Variants in VAPB observed in about 807,000 individuals in gnomAD.
The protein encoded by VAPB is VAMP associated protein B and C, also known as vesicle-associated membrane protein-associated protein B/C.
A neutral mutation model predicts 25.6 loss-of-function variants in VAPB; 7 were observed. The observed-to-expected ratio is 0.27, with a 90% CI of 0.16 to 0.51. The LOEUF (loss-of-function observed/expected upper bound fraction) is 0.51, where lower values mean the gene tolerates loss of function less well. Among genes scored for constraint, VAPB ranks in the 20% least tolerant of loss-of-function variants. The pLI is 0.97. For synonymous variants in VAPB, 112 were observed against 109.2 expected, an observed-to-expected ratio of 1.03 and a Z score of -0.16; for missense variants, 266 against 301.3, an observed-to-expected ratio of 0.88 and a Z score of 0.87.
chr20:58,389,301 GA>G lies in VAPB; in HGVS notation c.-158del, dbSNP rs1170630842. ...CCCCTGCGCCTGCACCGCGTAGACC[GA>G]CCCCCCCCCAGCGCGCCCACCCGGT... On this transcript the variant is annotated 5_prime_UTR_variant, in exon 1 of 6. Transcript: ENST00000475243. 1.5e-6 allele frequency: 1 copy of G among 672,698 alleles called. No individual in the cohort carries two copies. The highest frequency in any genetic ancestry group is 2.6e-6 in the Non-Finnish European group (1 of 390,116). The allele number at this position is 672,698 out of a possible 1,614,324, so 41.7% of individuals were successfully genotyped here.
intron 5 of VAPB, among the ~76,000 whole-genome samples, chr20:58,443,194 A>G (rs2123103460): frequency 6.6e-6 from 1 of 152,276 alleles, no homozygotes; most frequent in South Asian, 2.1e-4. Context: ...ATGGTCAAAT[A>G]TCTTTATATG....
In VAPB at chr20:58,446,498, G is replaced by A. The variant is rs1265476103; in HGVS notation, c.*2263G>A. The A allele has an allele frequency of 4.4e-6, 2 of 453,974 alleles. No individual in the cohort carries two copies. The highest frequency in any genetic ancestry group is 4.0e-5 in the African/African-American group (2 of 49,992). The allele number at this position is 453,974 out of a possible 1,614,324, so 28.1% of individuals were successfully genotyped here. On this transcript the variant is annotated 3_prime_UTR_variant, in exon 6 of 6. Coordinates refer to ENST00000475243, the MANE Select transcript of VAPB (RefSeq NM_004738.5). ...AAACTTTATTCACAAAAACAGCCGGGTCATGGGATTTGGCTTGTGAGTCTG... is the reference window on the plus strand; with the variant it reads ...AAACTTTATTCACAAAAACAGCCGGATCATGGGATTTGGCTTGTGAGTCTG...
chr20:58,442,706 G>A (rs1024571230), intron 5 of VAPB, among the ~76,000 whole-genome samples: 3 of 152,300 alleles, frequency 2.0e-5, no homozygotes, highest in Non-Finnish European at 2.9e-5. Context: ...CTGCCCTTGA[G>A]GAGCTCTCTG....
intron 1 of VAPB, among the ~76,000 whole-genome samples, chr20:58,404,095 G>T (rs1441592691): frequency 2.0e-5 from 3 of 151,902 alleles, no homozygotes; most frequent in African/African-American, 7.3e-5. Context: ...TATTTTTTCT[G>T]CCTGCTTCTC....
At chr20:58,424,232 A>G (rs971206155) in intron 2 of VAPB, among the ~76,000 whole-genome samples, 3 of 152,042 alleles carry the variant, frequency 2.0e-5, no homozygotes, top group African/African-American at 7.2e-5. Flanking sequence ...TCCAGTCTTG[A>G]ATCTTGTCTT....
chr20:58,442,417 C>G (rs763040653), intron 5 of VAPB, among the ~76,000 whole-genome samples: 4 of 151,994 alleles, frequency 2.6e-5, no homozygotes, highest in Non-Finnish European at 5.9e-5. Context: ...GTAGAAATAG[C>G]TTCTATATAA....
At chr20:58,443,405 T>G (rs893282877) in intron 5 of VAPB, among the ~76,000 whole-genome samples, 2 of 149,324 alleles carry the variant, frequency 1.3e-5, no homozygotes, top group East Asian at 1.9e-4. Context: ...TAGGTTTTTT[T>G]TTTTTTTTTT....
intron 1 of VAPB, among the ~76,000 whole-genome samples, chr20:58,414,818 G>A (rs1369817831): frequency 1.3e-5 from 2 of 152,232 alleles, no homozygotes; most frequent in Non-Finnish European, 2.9e-5. Flanking sequence ...CTTCCCAGAC[G>A]GGGTGGCGGC....
chr20:58,448,472 T>TG lies in VAPB; in HGVS notation c.*4243dup, dbSNP rs1256444953. 1 of 453,970 alleles carries TG rather than the reference T, an allele frequency of 2.2e-6. No individual in the cohort carries two copies. The highest frequency in any genetic ancestry group is 2.0e-5 in the African/African-American group (1 of 49,986). 28.1% of individuals were successfully genotyped at this position (453,970 alleles called of 1,614,324 possible). A position where few individuals can be genotyped will look rare whatever the true frequency, so the allele number is the denominator to read the frequency against. On this transcript the variant is annotated 3_prime_UTR_variant, in exon 6 of 6. Coordinates refer to ENST00000475243, the MANE Select transcript of VAPB (RefSeq NM_004738.5). ...TGAACTTAATCCTTGCAACTGTGACTGGGGGGTAGATGGCTCTGTTTGCAT... is the reference window on the plus strand; with the variant it reads ...TGAACTTAATCCTTGCAACTGTGACTGGGGGGGTAGATGGCTCTGTTTGCAT...
chr20:58,413,122 GGTATT>G (rs1466909885), intron 1 of VAPB, among the ~76,000 whole-genome samples: 1 of 143,488 alleles, frequency 7.0e-6, no homozygotes, highest in African/African-American at 2.6e-5. Context: ...AGTTTTTGCT[GGTATT>G]GTATTTGCCT....
chr20:58,440,749 T>C (rs1989141616), intron 4 of VAPB, 158 bp from the exon 5 acceptor site: 2 of 653,950 alleles, frequency 3.1e-6, no homozygotes, highest in Middle Eastern at 4.4e-4. Context: ...TATTAAGATA[T>C]CAGATAAAGT....
At position 58,449,434 on chromosome 20, in the gene VAPB, T is replaced by G. The variant is rs1989380973; in HGVS notation, c.*5199T>G. On this transcript the variant is annotated 3_prime_UTR_variant, in exon 6 of 6. Transcript: ENST00000475243. The stretch of plus-strand genomic sequence containing the variant: ...TGAGAGGTTGTCTTCATGAATATAA[T>G]TACTTGAGATTTTTTTTTCTTAATG... 1 of 450,926 alleles carries G rather than the reference T, an allele frequency of 2.2e-6. No individual in the cohort carries two copies. Among genetic ancestry groups the G allele is most frequent in the African/African-American group, 2.0e-5 (1 of 49,692 alleles). The allele number at this position is 450,926 out of a possible 1,614,324, so 27.9% of individuals were successfully genotyped here. A position where few individuals can be genotyped will look rare whatever the true frequency, so the allele number is the denominator to read the frequency against.
At chr20:58,443,995 C>T (rs192069251) in intron 5 of VAPB, 82 bp from the exon 6 acceptor site, 1 of 1,594,452 alleles carries the variant, frequency 6.3e-7, no homozygotes, top group African/African-American at 1.3e-5. Context: ...TGGGCATAAA[C>T]AGCCCATCCC....
intron 1 of VAPB, among the ~76,000 whole-genome samples, chr20:58,416,173 A>C (rs979032647): frequency 3.9e-5 from 6 of 152,180 alleles, no homozygotes; most frequent in Non-Finnish European, 7.3e-5. Flanking sequence ...TTATTATTAC[A>C]AATATTGCTT....
chr20:58,421,612 T>C (rs1200940431), intron 2 of VAPB, among the ~76,000 whole-genome samples: 1 of 152,186 alleles, frequency 6.6e-6, no homozygotes, highest in African/African-American at 2.4e-5. Context: ...CCAGTGCATT[T>C]TTCCCATTTC....
rs1226294168 is a variant in VAPB, at chr20:58,449,835, G to A, written c.*5600G>A. The A allele has an allele frequency of 4.4e-6, 2 of 454,004 alleles. No homozygotes were observed. The highest frequency in any genetic ancestry group is 8.8e-6 in the Non-Finnish European group (2 of 226,792). 28.1% of individuals were successfully genotyped at this position (454,004 alleles called of 1,614,324 possible). A position where few individuals can be genotyped will look rare whatever the true frequency, so the allele number is the denominator to read the frequency against. On this transcript the variant is annotated 3_prime_UTR_variant, in exon 6 of 6. Coordinates refer to ENST00000475243, the MANE Select transcript of VAPB (RefSeq NM_004738.5). ...TGCTTTCCTGCTTGCATTCTGATGA[G>A]CTGCAGGAGTGCGCCTGGCCTTCTG...
At position 58,449,617 on chromosome 20, in the gene VAPB, A is replaced by G. The variant is rs1989386212; in HGVS notation, c.*5382A>G. The G allele has an allele frequency of 2.2e-6, 1 of 454,046 alleles. No homozygotes were observed. The highest frequency in any genetic ancestry group is 4.4e-6 in the Non-Finnish European group (1 of 226,706). 28.1% of individuals were successfully genotyped at this position (454,046 alleles called of 1,614,324 possible). A position where few individuals can be genotyped will look rare whatever the true frequency, so the allele number is the denominator to read the frequency against. ...TGGATTGCTTTGATTAAAAGATGTC[A>G]GTTGAATAAAACAGTACTGTGGGAG... On this transcript the variant is annotated 3_prime_UTR_variant, in exon 6 of 6. Transcript: ENST00000475243.
chr20:58,449,234 C>A lies in VAPB; in HGVS notation c.*4999C>A, dbSNP rs543415146. ...TAGCTGAGCTGCACAAGCTCACCCACCCCTGTGCCAGGGGGCCCTGACCTC... is the reference window on the plus strand; with the variant it reads ...TAGCTGAGCTGCACAAGCTCACCCAACCCTGTGCCAGGGGGCCCTGACCTC... On this transcript the variant is annotated 3_prime_UTR_variant, in exon 6 of 6. Coordinates refer to ENST00000475243, the MANE Select transcript of VAPB (RefSeq NM_004738.5). 2 of 454,150 alleles carry A rather than the reference C, an allele frequency of 4.4e-6. No individual in the cohort carries two copies. The highest frequency in any genetic ancestry group is 6.9e-5 in the East Asian group (1 of 14,394). 28.1% of individuals were successfully genotyped at this position (454,150 alleles called of 1,614,324 possible).
At chr20:58,400,221 C>T (rs1370881687) in intron 1 of VAPB, among the ~76,000 whole-genome samples, 1 of 152,114 alleles carries the variant, frequency 6.6e-6, no homozygotes. Context: ...GCTTTGGTTT[C>T]CTCCTCTGCG....
Sources: allele counts gnomAD v4.1 joint callset (sites outside exome capture counted in the v4.1 genomes callset), GRCh38; gene constraint gnomAD v4.1.1; transcripts MANE v1.5; gene names NCBI Gene and HGNC (gene_info 2026-07-23, HGNC 2026-07-21).